ZNF804A: variants seen among roughly 807,000 people sequenced by gnomAD.
ZNF804A encodes the protein zinc finger protein 804A.
A neutral mutation model predicts 16.5 loss-of-function variants in ZNF804A; 2 were observed. The ratio of observed to expected loss-of-function variants is 0.12; its 90% CI spans 0.05 to 0.38. ZNF804A has a LOEUF of 0.38. Among genes scored for constraint, ZNF804A ranks in the 10% least tolerant of loss-of-function variants. The pLI is 0.99. For missense variants in ZNF804A, 1,473 were observed against 1,390.7 expected, an observed-to-expected ratio of 1.06 and a Z score of -0.94; for synonymous variants, 534 against 489.6, an observed-to-expected ratio of 1.09 and a Z score of -1.20.
intron 1 of ZNF804A, among the ~76,000 whole-genome samples, chr2:184,791,084 C>A (rs1050200525): frequency 1.3e-5 from 2 of 152,090 alleles, no homozygotes; most frequent in African/African-American, 4.8e-5. Context: ...GTAGGTGGGT[C>A]TCTTGTGGAC....
intron 1 of ZNF804A, among the ~76,000 whole-genome samples, chr2:184,753,266 G>A (rs1001418113): frequency 2.6e-5 from 4 of 151,572 alleles, no homozygotes; most frequent in Non-Finnish European, 4.4e-5. Flanking sequence ...AGGCTGGGGG[G>A]CGTTGCTTCT....
At chr2:184,688,967 T>G (rs1692687470) in intron 1 of ZNF804A, among the ~76,000 whole-genome samples, 2 of 152,160 alleles carry the variant, frequency 1.3e-5, no homozygotes, top group South Asian at 4.1e-4. Flanking sequence ...CCAACATGTT[T>G]GTAGAAGCAA....
intron 2 of ZNF804A, among the ~76,000 whole-genome samples, chr2:184,900,308 C>G (rs1685157833): frequency 6.6e-6 from 1 of 152,180 alleles, no homozygotes; most frequent in South Asian, 2.1e-4. Context: ...CAGTGCCCCC[C>G]TTGAGTGTTA....
At chr2:184,929,411 A>G (rs1282702859) in intron 2 of ZNF804A, among the ~76,000 whole-genome samples, 4 of 152,112 alleles carry the variant, frequency 2.6e-5, no homozygotes, top group Admixed American at 2.6e-4. Context: ...CTTTTATCTT[A>G]CCAATGAAAT....
chr2:184,672,738 T>C (rs964020363), intron 1 of ZNF804A, among the ~76,000 whole-genome samples: 2 of 149,692 alleles, frequency 1.3e-5, no homozygotes, highest in African/African-American at 2.4e-5. Context: ...TAACTATTTC[T>C]TTTTTTTTCT....
intron 1 of ZNF804A, among the ~76,000 whole-genome samples, chr2:184,656,786 A>T (rs934254954): frequency 6.6e-6 from 1 of 151,932 alleles, no homozygotes; most frequent in African/African-American, 2.4e-5. Context: ...AATACAGGAC[A>T]ATCATTTTCC....
At chr2:184,844,755 T>C (rs1056029874) in intron 1 of ZNF804A, among the ~76,000 whole-genome samples, 3 of 151,924 alleles carry the variant, frequency 2.0e-5, no homozygotes, top group African/African-American at 7.2e-5. Context: ...GTTTGGTACC[T>C]GTTACTAATT....
chr2:184,938,786 G>A lies in ZNF804A; in HGVS notation c.3390G>A (p.Gln1130=). 4 of 1,613,630 alleles carry A rather than the reference G, an allele frequency of 2.5e-6. No individual in the cohort carries two copies. The highest frequency in any genetic ancestry group is 3.4e-6 in the Non-Finnish European group (4 of 1,179,814). Residue 1130 remains glutamine, a synonymous_variant, in exon 4 of 4, where the codon CAG becomes CAA. Coordinates refer to ENST00000302277, the MANE Select transcript of ZNF804A (RefSeq NM_194250.2). ...GTFKVLQPHQ[Q]FLSQIPALTR... The stretch of plus-strand genomic sequence containing the variant: ...TTAAAGTGCTTCAGCCACACCAACA[G>A]TTTCTTTCCCAAATCCCAGCTCTCA...
At chr2:184,715,115 A>G (rs955171373) in intron 1 of ZNF804A, among the ~76,000 whole-genome samples, 1 of 152,116 alleles carries the variant, frequency 6.6e-6, no homozygotes, top group African/African-American at 2.4e-5. Context: ...CAAAATTGCA[A>G]AAGGTTCCTA....
intron 1 of ZNF804A, among the ~76,000 whole-genome samples, chr2:184,823,213 G>A (rs957129592): frequency 1.3e-5 from 2 of 151,990 alleles, no homozygotes; most frequent in Non-Finnish European, 2.9e-5. Flanking sequence ...ACATGGCAAA[G>A]GGAGGGAAAG....
intron 1 of ZNF804A, among the ~76,000 whole-genome samples, chr2:184,646,047 C>T (rs1691865175): frequency 6.6e-6 from 1 of 152,166 alleles, no homozygotes; most frequent in Non-Finnish European, 1.5e-5. Context: ...CCTGGAAAAG[C>T]TGCAGATATT....
chr2:184,774,160 G>A (rs1428795479), intron 1 of ZNF804A, among the ~76,000 whole-genome samples: 4 of 151,816 alleles, frequency 2.6e-5, no homozygotes, highest in Non-Finnish European at 5.9e-5. Context: ...TATATAGTGT[G>A]GGGAATTTAA....
At position 184,937,190 on chromosome 2, in the gene ZNF804A, A is replaced by G. The variant is rs728534; in HGVS notation, c.1794A>G (p.Lys598=). Residue 598 remains lysine (K), a synonymous_variant, in exon 4 of 4, where the codon AAA becomes AAG. Coordinates refer to ENST00000302277, the MANE Select transcript of ZNF804A (RefSeq NM_194250.2). ...TCCATAAAAGTAGAAGAAAGAAAAA[A>G]AGAAAAAAGTTATGTCAGCATCATC... ...YWFHKSRRKK[K]RKKLCQHHHM... 0.2 allele frequency: 313,811 copies of G among 1,595,064 alleles called. 33,189 individuals are homozygous for G. The highest frequency in any genetic ancestry group is 0.27 in the South Asian group (23,832 of 87,130).
chr2:184,632,881 T>C (rs1691636030), intron 1 of ZNF804A, among the ~76,000 whole-genome samples: 1 of 152,220 alleles, frequency 6.6e-6, no homozygotes, highest in African/African-American at 2.4e-5. Flanking sequence ...TAACATTGAC[T>C]ACCTATGAAT....
At chr2:184,816,488 T>C (rs1478967865) in intron 1 of ZNF804A, among the ~76,000 whole-genome samples, 1 of 152,074 alleles carries the variant, frequency 6.6e-6, no homozygotes, top group East Asian at 1.9e-4. Flanking sequence ...TTCTAACTCT[T>C]AAGCTCAGGG....
intron 2 of ZNF804A, among the ~76,000 whole-genome samples, chr2:184,868,833 A>C (rs544557053): frequency 1.3e-5 from 2 of 152,182 alleles, no homozygotes; most frequent in East Asian, 3.9e-4. Context: ...AATAAAACTA[A>C]AACTCCAGCC....
intron 1 of ZNF804A, among the ~76,000 whole-genome samples, chr2:184,774,830 C>T (rs887698205): frequency 4.6e-5 from 7 of 151,608 alleles, no homozygotes; most frequent in Admixed American, 2.6e-4. Context: ...AAAGCTAACA[C>T]ATGTGACATG....
chr2:184,875,360 T>A (rs1696038073), intron 2 of ZNF804A, among the ~76,000 whole-genome samples: 1 of 152,132 alleles, frequency 6.6e-6, no homozygotes, highest in African/African-American at 2.4e-5. Context: ...ATGAGTGAGT[T>A]GTCACTCTTA....
At chr2:184,668,153 T>TA (rs1408769971) in intron 1 of ZNF804A, among the ~76,000 whole-genome samples, 1 of 151,846 alleles carries the variant, frequency 6.6e-6, no homozygotes, top group African/African-American at 2.4e-5. Context: ...ATGTTTATTT[T>TA]AAAAAATGTT....
Sources: gnomAD v4.1 joint callset for allele counts (sites outside exome capture counted in the v4.1 genomes callset) on GRCh38, gnomAD v4.1.1 for gene constraint, MANE v1.5 for transcripts, NCBI Gene and HGNC (gene_info 2026-07-23, HGNC 2026-07-21) for gene names.